Variants in KIF16B observed in about 807,000 individuals in gnomAD.
KIF16B encodes kinesin family member 16B.
Under a neutral mutation model 156.3 loss-of-function variants are expected in KIF16B, and 98 were observed. The observed-to-expected ratio is 0.63, with a 90% CI of 0.53 to 0.74. The LOEUF is 0.74. Among genes scored for constraint, KIF16B ranks in the 30% least tolerant of loss-of-function variants. The pLI, the probability that KIF16B is intolerant of heterozygous loss-of-function variation, is 0.00. For missense variants in KIF16B, 1,421 were observed against 1,606.5 expected, an observed-to-expected ratio of 0.88 and a Z score of 1.97; for synonymous variants, 564 against 583.7, an observed-to-expected ratio of 0.97 and a Z score of 0.49.
chr20:16,399,878 CCTGA>C (rs2065605197), intron 17 of KIF16B, among the ~76,000 whole-genome samples: 1 of 152,190 alleles, frequency 6.6e-6, no homozygotes, highest in African/African-American at 2.4e-5. Flanking sequence ...GACTTCCTGC[CCTGA>C]CTGTCTCTGT....
intron 1 of KIF16B, among the ~76,000 whole-genome samples, chr20:16,569,970 C>CTGTGTGTG (rs10602666): frequency 1.0e-3 from 154 of 149,730 alleles, no homozygotes; most frequent in African/African-American, 3.4e-3. Context: ...ATAGATGAAT[C>CTGTGTGTG]TGTGTGTGTG....
At chr20:16,318,455 G>C (rs181077672) in intron 24 of KIF16B, among the ~76,000 whole-genome samples, 41 of 152,328 alleles carry the variant, frequency 2.7e-4, no homozygotes, top group African/African-American at 9.6e-4. Context: ...AGAAACGGCT[G>C]ATTCCAGGAT....
chr20:16,527,591 G>A (rs1327178033), intron 2 of KIF16B, among the ~76,000 whole-genome samples: 1 of 152,012 alleles, frequency 6.6e-6, no homozygotes, highest in Non-Finnish European at 1.5e-5. Flanking sequence ...TTGTTTGTTT[G>A]TTTGAGATGG....
chr20:16,416,636 G>T (rs966432794), intron 15 of KIF16B, among the ~76,000 whole-genome samples: 2 of 151,756 alleles, frequency 1.3e-5, no homozygotes, highest in African/African-American at 4.8e-5. Flanking sequence ...TAATACCTAG[G>T]TGATGGGTTG....
chr20:16,362,822 A>G (rs926363474), intron 22 of KIF16B, among the ~76,000 whole-genome samples: 2 of 152,222 alleles, frequency 1.3e-5, no homozygotes, highest in African/African-American at 2.4e-5. Flanking sequence ...GTAAACCACA[A>G]TATAAACAGT....
At chr20:16,530,845 G>T (rs2069722383) in intron 1 of KIF16B, among the ~76,000 whole-genome samples, 1 of 152,004 alleles carries the variant, frequency 6.6e-6, no homozygotes, top group Non-Finnish European at 1.5e-5. Context: ...TTGACTACAG[G>T]CACGCACCAC....
intron 23 of KIF16B, among the ~76,000 whole-genome samples, chr20:16,343,490 T>A (rs1301949790): frequency 6.6e-6 from 1 of 152,200 alleles, no homozygotes; most frequent in African/African-American, 2.4e-5. Flanking sequence ...TAAAGCAACA[T>A]ATGCGGGAGC....
At chr20:16,353,418 CAAA>C (rs2064378274) in intron 23 of KIF16B, among the ~76,000 whole-genome samples, 1 of 152,154 alleles carries the variant, frequency 6.6e-6, no homozygotes, top group Non-Finnish European at 1.5e-5. Flanking sequence ...AATTGTACAT[CAAA>C]AGTCATTAAG....
intron 18 of KIF16B, among the ~76,000 whole-genome samples, chr20:16,380,406 T>C (rs1309997868): frequency 6.6e-6 from 1 of 152,230 alleles, no homozygotes; most frequent in Non-Finnish European, 1.5e-5. Flanking sequence ...CATTTCTTTG[T>C]AGAGCATATA....
intron 25 of KIF16B, among the ~76,000 whole-genome samples, chr20:16,311,871 AT>A (rs1320074129): frequency 6.6e-6 from 1 of 152,212 alleles, no homozygotes; most frequent in Non-Finnish European, 1.5e-5. Flanking sequence ...GGCTTGGAAG[AT>A]TAAGTTAAAA....
intron 1 of KIF16B, among the ~76,000 whole-genome samples, chr20:16,544,063 C>A (rs1008557066): frequency 1.3e-5 from 2 of 152,166 alleles, no homozygotes; most frequent in Non-Finnish European, 2.9e-5. Context: ...AGAATCCACA[C>A]GATTGCTCTC....
chr20:16,550,528 C>CTTT lies in KIF16B; in HGVS notation c.48-22091_48-22089dup, dbSNP rs745923425. Among the ~76,000 whole-genome samples the CTTT allele has an allele frequency of 8.5e-3, 879 of 103,458 alleles. 50 individuals are homozygous for CTTT. Among genetic ancestry groups the CTTT allele is most frequent in the East Asian group, 0.054 (172 of 3,172 alleles). 67.9% of individuals were successfully genotyped at this position (103,458 alleles called of 152,430 possible). A position where few individuals can be genotyped will look rare whatever the true frequency, so the allele number is the denominator to read the frequency against. Reference sequence around the variant, plus strand: ...AGCTTGTTAAAACACATGAAACATTCTTTTTTTTTTTTTTTTTTTTTTTGA... The same window carrying CTTT: ...AGCTTGTTAAAACACATGAAACATTCTTTTTTTTTTTTTTTTTTTTTTTTTTGA... On this transcript the variant is annotated intron_variant, in intron 1 of 25. Coordinates refer to ENST00000354981, the MANE Select transcript of KIF16B (RefSeq NM_024704.5).
intron 12 of KIF16B, among the ~76,000 whole-genome samples, chr20:16,475,389 A>G (rs1278952783): frequency 2.0e-5 from 3 of 152,226 alleles, no homozygotes; most frequent in Non-Finnish European, 4.4e-5. Flanking sequence ...CAGAGCCAGC[A>G]CTGGATTACA....
At chr20:16,435,964 G>A (rs1428238667) in intron 12 of KIF16B, among the ~76,000 whole-genome samples, 3 of 151,804 alleles carry the variant, frequency 2.0e-5, no homozygotes, top group Non-Finnish European at 2.9e-5. Context: ...TTGTTCTACC[G>A]AATGAAACAA....
intron 15 of KIF16B, among the ~76,000 whole-genome samples, chr20:16,409,475 A>C (rs1818708462): frequency 6.6e-6 from 1 of 152,078 alleles, no homozygotes; most frequent in Non-Finnish European, 1.5e-5. Context: ...GTGCAGCAGC[A>C]TAACATGATT....
chr20:16,493,329 A>G (rs1165603990), intron 12 of KIF16B, among the ~76,000 whole-genome samples: 1 of 152,210 alleles, frequency 6.6e-6, no homozygotes, highest in Non-Finnish European at 1.5e-5. Context: ...CTGAGCCTGC[A>G]TTCTGAAACA....
chr20:16,473,811 C>T (rs1431483627), intron 12 of KIF16B, among the ~76,000 whole-genome samples: 1 of 152,154 alleles, frequency 6.6e-6, no homozygotes, highest in Admixed American at 6.5e-5. Flanking sequence ...AGTACTTAGA[C>T]ACTTCAAAAG....
At position 16,551,699 on chromosome 20, in the gene KIF16B, A is replaced by T. The variant is rs7272048; in HGVS notation, c.47+21530T>A. On this transcript the variant is annotated intron_variant, in intron 1 of 25. Transcript: ENST00000354981. ...AATGAAAGAAATAACCTTGTCCTTAAGCCAGAAGGGCTTGAGGTAAGAAAG... is the reference window on the plus strand; with the variant it reads ...AATGAAAGAAATAACCTTGTCCTTATGCCAGAAGGGCTTGAGGTAAGAAAG... Among the ~76,000 whole-genome samples the T allele has an allele frequency of 2.5e-3, 377 of 152,330 alleles. 3 individuals carry two copies. In the East Asian group the frequency reaches 0.037, roughly 15 times the overall value.
chr20:16,429,111 A>T, intron 13 of KIF16B, 107 bp from the exon 14 acceptor site: 1 of 905,236 alleles, frequency 1.1e-6, no homozygotes, highest in Non-Finnish European at 1.8e-6. Flanking sequence ...GGGATGAACA[A>T]CATCCTGGCA....
Sources: gnomAD v4.1 joint callset for allele counts (sites outside exome capture counted in the v4.1 genomes callset) on GRCh38, gnomAD v4.1.1 for gene constraint, MANE v1.5 for transcripts, NCBI Gene and HGNC (gene_info 2026-07-23, HGNC 2026-07-21) for gene names.